Variants in UBE2E3 observed in about 807,000 individuals in gnomAD.
UBE2E3 encodes ubiquitin-conjugating enzyme E2 E3.
A neutral mutation model predicts 23.6 loss-of-function variants in UBE2E3; 5 were observed. That is an observed-to-expected ratio of 0.21 (90% CI 0.11 to 0.44). UBE2E3 has a LOEUF of 0.44. Ranked by LOEUF, UBE2E3 falls within the 20% of genes least tolerant of loss-of-function variation. UBE2E3 has a pLI of 0.99. For missense variants in UBE2E3, 81 were observed against 249.8 expected (o/e 0.32, Z 4.55); for synonymous variants, 78 against 87.5 (o/e 0.89, Z 0.60).
intron 3 of UBE2E3, among the ~76,000 whole-genome samples, chr2:181,052,266 A>C (rs1309909189): frequency 6.6e-6 from 1 of 151,824 alleles, no homozygotes; most frequent in Non-Finnish European, 1.5e-5. Context: ...AATACTTTGC[A>C]GGGGTGTCCA....
intron 3 of UBE2E3, among the ~76,000 whole-genome samples, chr2:181,017,893 T>C (rs1172952512): frequency 1.3e-5 from 2 of 151,186 alleles, no homozygotes; most frequent in Non-Finnish European, 2.9e-5. Flanking sequence ...CAGGATTTTT[T>C]GGTTAGAGGA....
rs774348011 is a variant in UBE2E3, at chr2:181,057,816, G to A, written c.369G>A (p.Lys123=). ...CATTTTCATCAGATTATCCATTTAA[G>A]CCACCAAAGGTAAGAAGCTTGAAGT... ...DITFSSDYPF[K]PPKVTFRTRI... is the part of the protein sequence containing the mutation. Residue 123 remains lysine, a synonymous_variant, in exon 4 of 6, where the codon AAG becomes AAA. Transcript: ENST00000410062. 8.1e-6 allele frequency: 13 copies of A among 1,610,754 alleles called. No individual in the cohort carries two copies. In the East Asian group the frequency reaches 2.2e-4, roughly 28 times the overall value.
intron 3 of UBE2E3, among the ~76,000 whole-genome samples, chr2:180,998,473 G>A (rs1684897308): frequency 6.6e-6 from 1 of 150,522 alleles, no homozygotes; most frequent in Non-Finnish European, 1.5e-5. Context: ...AAGGGGCAGG[G>A]GGAGATGATG....
chr2:181,000,127 A>G (rs546967965), intron 3 of UBE2E3, among the ~76,000 whole-genome samples: 1 of 152,200 alleles, frequency 6.6e-6, no homozygotes, highest in Non-Finnish European at 1.5e-5. Flanking sequence ...GATGTATTAG[A>G]TACATACATA....
rs1439669668 is a variant in UBE2E3, at chr2:181,034,003, C to T, written c.246-23690C>T. ...TACCATCTCACACCAGTTAGAATGG[C>T]AATCATTAAAAAGTCAGGAAACAAC... is the stretch of plus-strand genomic sequence containing the variant. On this transcript the variant is annotated intron_variant, in intron 3 of 5. Coordinates refer to ENST00000410062, the MANE Select transcript of UBE2E3 (RefSeq NM_006357.4). Among the ~76,000 whole-genome samples the T allele has an allele frequency of 5.9e-5, 9 of 152,192 alleles. No individual in the cohort carries two copies. The East Asian group carries it at 9.7e-4, about 16-fold the overall frequency.
At chr2:181,000,452 C>G (rs1447619073) in intron 3 of UBE2E3, among the ~76,000 whole-genome samples, 6 of 152,036 alleles carry the variant, frequency 3.9e-5, no homozygotes, top group Non-Finnish European at 7.4e-5. Flanking sequence ...ACCATTCATA[C>G]TGTACTCTGT....
At position 180,990,151 on chromosome 2, in the gene UBE2E3, A is replaced by T. The variant is rs139351223; in HGVS notation, c.245+6058A>T. 506 of 638,048 alleles carry T rather than the reference A, an allele frequency of 7.9e-4. 1 individual carries two copies. The African/African-American group carries it at 8.5e-3, about 11-fold the overall frequency. 39.5% of individuals were successfully genotyped at this position (638,048 alleles called of 1,614,324 possible). ...TTGATCAGTGGTTCTCAACTGAGGC[A>T]ATTTTTGTCCTCCCCTTCCCCAGCC... On this transcript the variant is annotated intron_variant, in intron 3 of 5. Transcript: ENST00000410062.
chr2:181,024,013 G>C lies in UBE2E3; in HGVS notation c.246-33680G>C, dbSNP rs186379333. 3.8e-3 allele frequency among the ~76,000 whole-genome samples: 575 copies of C among 152,106 alleles called. 1 individual carries two copies. Among genetic ancestry groups the C allele is most frequent in the Middle Eastern group, 0.01 (3 of 292 alleles). ...TGTGTTTTATATTTCTTTTGCATTT[G>C]TAACCTCTCCCAGTACTCATGTTTG... On this transcript the variant is annotated intron_variant, in intron 3 of 5. Coordinates refer to ENST00000410062, the MANE Select transcript of UBE2E3 (RefSeq NM_006357.4).
intron 3 of UBE2E3, among the ~76,000 whole-genome samples, chr2:181,027,807 T>C (rs541179610): frequency 6.6e-6 from 1 of 152,116 alleles, no homozygotes; most frequent in South Asian, 2.1e-4. Flanking sequence ...ACTTTCCTAG[T>C]CATTTGATTG....
At chr2:181,003,655 T>A (rs1464039770) in intron 3 of UBE2E3, among the ~76,000 whole-genome samples, 1 of 152,224 alleles carries the variant, frequency 6.6e-6, no homozygotes, top group Non-Finnish European at 1.5e-5. Flanking sequence ...AAACAAAATT[T>A]ATTTGTTTGC....
At chr2:180,989,698 A>G (rs1437961290) in intron 3 of UBE2E3, among the ~76,000 whole-genome samples, 1 of 152,196 alleles carries the variant, frequency 6.6e-6, no homozygotes, top group Non-Finnish European at 1.5e-5. Flanking sequence ...GGATCTATTA[A>G]GTTCAATGCA....
Position 181,057,708 on chromosome 2 carries a change from A to C in UBE2E3, c.261A>C (p.Gly87=), listed in dbSNP as rs748431970. 10 of 1,609,412 alleles carry C rather than the reference A, an allele frequency of 6.2e-6. No individual in the cohort carries two copies. The South Asian group carries it at 9.9e-5, about 16-fold the overall frequency. Residue 87 remains glycine, a synonymous_variant, in exon 4 of 6, where the codon GGA becomes GGC. Transcript: ENST00000410062. ...TTTTAAATAGTGCTGGGCCTAAAGG[A>C]GATAACATTTATGAATGGAGATCAA... is the stretch of plus-strand genomic sequence containing the variant. ...PPPNCSAGPK[G]DNIYEWRSTI... is the part of the protein sequence containing the mutation.
chr2:181,017,685 C>T (rs998592857), intron 3 of UBE2E3, among the ~76,000 whole-genome samples: 1 of 149,564 alleles, frequency 6.7e-6, no homozygotes, highest in African/African-American at 2.5e-5. Context: ...TCATATGTTG[C>T]TTATTTAACA....
At chr2:181,000,414 A>G (rs1684955588) in intron 3 of UBE2E3, among the ~76,000 whole-genome samples, 1 of 152,168 alleles carries the variant, frequency 6.6e-6, no homozygotes, top group Non-Finnish European at 1.5e-5. Flanking sequence ...TGAATCTAAA[A>G]TGTTAACACT....
chr2:180,984,275 G>T (rs1364224381), intron 3 of UBE2E3, among the ~76,000 whole-genome samples, 182 bp downstream of exon 3: 1 of 152,176 alleles, frequency 6.6e-6, no homozygotes, highest in African/African-American at 2.4e-5. Flanking sequence ...ATACTTTTTA[G>T]CATAAGTATA....
chr2:181,058,851 A>G (rs1687056200), intron 4 of UBE2E3, among the ~76,000 whole-genome samples: 2 of 151,746 alleles, frequency 1.3e-5, no homozygotes, highest in African/African-American at 4.8e-5. Flanking sequence ...CGCAGACACC[A>G]TTTACTCTCA....
At chr2:181,043,511 A>G (rs989415195) in intron 3 of UBE2E3, among the ~76,000 whole-genome samples, 3 of 152,186 alleles carry the variant, frequency 2.0e-5, no homozygotes, top group African/African-American at 7.2e-5. Context: ...CATCCCCAGT[A>G]TATCTCATTA....
chr2:181,035,242 A>G (rs939646099), intron 3 of UBE2E3, among the ~76,000 whole-genome samples: 2 of 152,186 alleles, frequency 1.3e-5, no homozygotes, highest in Non-Finnish European at 2.9e-5. Context: ...CTATTATACT[A>G]TGATTTGCAT....
At chr2:181,061,454 C>A (rs1687147931) in intron 5 of UBE2E3, among the ~76,000 whole-genome samples, 1 of 151,484 alleles carries the variant, frequency 6.6e-6, no homozygotes. Flanking sequence ...AGCAATGTGT[C>A]TGAAACCAGT....
Sources: allele counts gnomAD v4.1 joint callset (sites outside exome capture counted in the v4.1 genomes callset), GRCh38; gene constraint gnomAD v4.1.1; transcripts MANE v1.5; gene names NCBI Gene and HGNC (gene_info 2026-07-23, HGNC 2026-07-21).